Variants in SEMA5A observed in about 807,000 individuals in gnomAD.
SEMA5A encodes semaphorin 5A.
Under a neutral mutation model 135.5 loss-of-function variants are expected in SEMA5A, and 55 were observed. The observed-to-expected ratio is 0.41, with a 90% CI of 0.33 to 0.51. The LOEUF is 0.51. SEMA5A is among the 20% of genes least tolerant of loss of function. The probability of loss-of-function intolerance (pLI) is 0.37; values close to 1 mark genes in which losing one functional copy is unlikely to be tolerated. For synonymous variants in SEMA5A, 580 were observed against 546.5 expected (o/e 1.06, Z -0.85); for missense variants, 1,290 against 1,419.9 (o/e 0.91, Z 1.47).
intron 5 of SEMA5A, among the ~76,000 whole-genome samples, chr5:9,276,978 A>C (rs1750296222): frequency 6.6e-6 from 1 of 152,204 alleles, no homozygotes; most frequent in Non-Finnish European, 1.5e-5. Context: ...TAATTAAACT[A>C]AAGAGCTTCT....
At chr5:9,528,476 TC>T (rs1737259581) in intron 1 of SEMA5A, among the ~76,000 whole-genome samples, 1 of 152,198 alleles carries the variant, frequency 6.6e-6, no homozygotes, top group Admixed American at 6.5e-5. Flanking sequence ...CACTTGCCTG[TC>T]CATGGGCACT....
chr5:9,308,200 C>G (rs1026165991), intron 5 of SEMA5A, among the ~76,000 whole-genome samples: 1 of 152,146 alleles, frequency 6.6e-6, no homozygotes, highest in Non-Finnish European at 1.5e-5. Flanking sequence ...TCTTATGAAA[C>G]AGGACACTGT....
chr5:9,398,698 A>G (rs1428469241), intron 2 of SEMA5A, among the ~76,000 whole-genome samples: 2 of 152,232 alleles, frequency 1.3e-5, no homozygotes, highest in Admixed American at 1.3e-4. Context: ...AAAATATTTC[A>G]ATTTTCTGTG....
intron 5 of SEMA5A, among the ~76,000 whole-genome samples, chr5:9,281,745 C>T (rs1750551335): frequency 6.6e-6 from 1 of 151,592 alleles, no homozygotes; most frequent in Non-Finnish European, 1.5e-5. Flanking sequence ...TACTGCTGTC[C>T]AAGACCGGGG....
intron 5 of SEMA5A, among the ~76,000 whole-genome samples, chr5:9,264,962 C>T (rs1436947577): frequency 6.6e-6 from 1 of 152,056 alleles, no homozygotes; most frequent in Non-Finnish European, 1.5e-5. Context: ...TGTTTCAAAC[C>T]CCAAAGACGT....
chr5:9,214,280 A>G (rs1369884693), intron 8 of SEMA5A, among the ~76,000 whole-genome samples: 2 of 152,228 alleles, frequency 1.3e-5, no homozygotes, highest in East Asian at 3.9e-4. Context: ...AGAAACAGGC[A>G]GAACCCACAA....
chr5:9,418,520 T>A (rs992923892), intron 2 of SEMA5A, among the ~76,000 whole-genome samples: 2 of 152,216 alleles, frequency 1.3e-5, no homozygotes, highest in African/African-American at 4.8e-5. Flanking sequence ...TGGTTCCAGC[T>A]GTAATCCTCA....
At chr5:9,115,204 G>A (rs573035976) in intron 15 of SEMA5A, among the ~76,000 whole-genome samples, 9 of 152,144 alleles carry the variant, frequency 5.9e-5, no homozygotes, top group Non-Finnish European at 1.3e-4. Context: ...CACATGAAAG[G>A]CTGCTGGAAA....
chr5:9,197,150 T>A lies in SEMA5A; in HGVS notation c.1068+18A>T, dbSNP rs147697111. The A allele has an allele frequency of 3.6e-4, 583 of 1,614,038 alleles. 3 individuals carry two copies. In the African/African-American group the frequency reaches 6.2e-3, roughly 17 times the overall value. On this transcript the variant is annotated intron_variant, in intron 10 of 22. Transcript: ENST00000382496. ...CATGGGGGATGCCAACAGTGCCCCT[T>A]TGCCCCCCGAAAATTACCTGGAAGT...
intron 15 of SEMA5A, among the ~76,000 whole-genome samples, 170 bp from the exon 16 acceptor site, chr5:9,108,457 G>T (rs542367262): frequency 6.6e-6 from 1 of 152,236 alleles, no homozygotes; most frequent in Non-Finnish European, 1.5e-5. Flanking sequence ...TGTGGTGCTG[G>T]CCATGCTGTG....
chr5:9,254,754 C>T (rs1163969786), intron 5 of SEMA5A, among the ~76,000 whole-genome samples: 2 of 151,874 alleles, frequency 1.3e-5, no homozygotes, highest in African/African-American at 4.8e-5. Context: ...TGCCCAAGGC[C>T]AGAAAGCAAG....
intron 13 of SEMA5A, among the ~76,000 whole-genome samples, chr5:9,132,038 G>T (rs1171051987): frequency 6.6e-6 from 1 of 152,138 alleles, no homozygotes; most frequent in Non-Finnish European, 1.5e-5. Flanking sequence ...AGATTTTACT[G>T]ATGCACTTCA....
At position 9,320,858 on chromosome 5, in the gene SEMA5A, C is replaced by T. The variant is rs762797753; in HGVS notation, c.225-2441G>A. ...TAGCCAAGCTTTCACCCAGTGTGAC[C>T]TTGAAACCAGCACACCTCCTCTAAG... On this transcript the variant is annotated intron_variant, in intron 4 of 22. Transcript: ENST00000382496. 3.3e-5 allele frequency among the ~76,000 whole-genome samples: 5 copies of T among 152,290 alleles called. No individual in the cohort carries two copies. The East Asian group carries it at 9.7e-4, about 29-fold the overall frequency.
In SEMA5A at chr5:9,043,241, TC is replaced by T. The variant is rs1305763938; in HGVS notation, c.3106-226del. On this transcript the variant is annotated intron_variant, in intron 22 of 22. Coordinates refer to ENST00000382496, the MANE Select transcript of SEMA5A (RefSeq NM_003966.3). ...TTTGTGATATCTTCTGGTTAAGTTT[TC>T]AACTTTAGTTATGAAGTTACCACGA... 6 of 416,920 alleles carry T rather than the reference TC, an allele frequency of 1.4e-5. No homozygotes were observed. The Admixed American group carries it at 1.6e-4, about 11-fold the overall frequency. 25.8% of individuals were successfully genotyped at this position (416,920 alleles called of 1,614,324 possible).
chr5:9,456,334 C>T (rs1436914156), intron 1 of SEMA5A, among the ~76,000 whole-genome samples: 2 of 152,208 alleles, frequency 1.3e-5, no homozygotes, highest in Non-Finnish European at 2.9e-5. Context: ...TAAAGACAAG[C>T]GTCTGGGTGC....
intron 1 of SEMA5A, among the ~76,000 whole-genome samples, chr5:9,473,713 C>T (rs942762163): frequency 1.3e-5 from 2 of 152,058 alleles, no homozygotes; most frequent in African/African-American, 2.4e-5. Context: ...TGTGCATGGC[C>T]ATGGGTGGAC....
At chr5:9,053,729 A>C (rs1023628774) in intron 19 of SEMA5A, 2 of 168,594 alleles carry the variant, frequency 1.2e-5, no homozygotes, top group African/African-American at 4.7e-5. Context: ...GCAAGGTGTC[A>C]CCTGTGGGTC....
At chr5:9,267,880 T>C (rs1579750959) in intron 5 of SEMA5A, among the ~76,000 whole-genome samples, 1 of 152,268 alleles carries the variant, frequency 6.6e-6, no homozygotes, top group East Asian at 1.9e-4. Flanking sequence ...CTATTCTCTT[T>C]ACCTTTGTCT....
chr5:9,214,295 T>C (rs1746498889), intron 8 of SEMA5A, among the ~76,000 whole-genome samples: 1 of 152,140 alleles, frequency 6.6e-6, no homozygotes. Context: ...CCACAAAGGC[T>C]TCCAGAGCTC....
Sources: allele counts gnomAD v4.1 joint callset (sites outside exome capture counted in the v4.1 genomes callset), GRCh38; gene constraint gnomAD v4.1.1; transcripts MANE v1.5; gene names NCBI Gene and HGNC (gene_info 2026-07-23, HGNC 2026-07-21).